The following GC variants were observed in gnomAD, a reference collection of about 807,000 sequenced individuals.
GC encodes the protein vitamin D-binding protein.
In GC, 43 loss-of-function variants were observed where a neutral mutation model predicts 56.7. The ratio of observed to expected loss-of-function variants is 0.76; its 90% CI spans 0.59 to 0.98. The LOEUF (loss-of-function observed/expected upper bound fraction) is 0.98. Ranked by LOEUF, GC falls within the 50% of genes least tolerant of loss-of-function variation. The probability of loss-of-function intolerance (pLI) is 0.00; values close to 1 mark genes in which losing one functional copy is unlikely to be tolerated. For missense variants in GC, 529 were observed against 545.9 expected (o/e 0.97, Z 0.31); for synonymous variants, 216 against 202.7 (o/e 1.07, Z -0.56).
At chr4:71,763,105 TG>T (rs1376014922) in intron 6 of GC, among the ~76,000 whole-genome samples, 1 of 152,234 alleles carries the variant, frequency 6.6e-6, no homozygotes, top group Admixed American at 6.5e-5. Context: ...GTTCTTGTTT[TG>T]CTTTTTTGTT....
intron 12 of GC, among the ~76,000 whole-genome samples, chr4:71,744,964 A>G (rs1460348801): frequency 2.0e-5 from 3 of 152,210 alleles, no homozygotes; most frequent in Non-Finnish European, 4.4e-5. Context: ...TCGTTGGGAC[A>G]TGATATTTGT....
At position 71,801,529 on chromosome 4, in the gene GC, G is replaced by A. The variant is rs112381115; in HGVS notation, c.21+2397C>T. On this transcript the variant is annotated intron_variant, in intron 1 of 13. Transcript: ENST00000504199. ...CATAGAGAGCCAGGGCAACTTCGGG[G>A]CTCACTTTATGAAGTTCCTTACTCA... Among the ~76,000 whole-genome samples, 26 of 152,204 alleles carry A rather than the reference G, an allele frequency of 1.7e-4. 2 individuals carry two copies. The highest frequency in any genetic ancestry group is 6.3e-4 in the African/African-American group (26 of 41,522).
At chr4:71,791,676 T>G (rs898630517) in intron 1 of GC, among the ~76,000 whole-genome samples, 2 of 152,106 alleles carry the variant, frequency 1.3e-5, no homozygotes, top group Admixed American at 6.6e-5. Context: ...ATTTCTTTTT[T>G]TTTTTAATAC....
At chr4:71,768,042 C>T (rs1742213430) in intron 3 of GC, among the ~76,000 whole-genome samples, 1 of 152,130 alleles carries the variant, frequency 6.6e-6, no homozygotes, top group Non-Finnish European at 1.5e-5. Flanking sequence ...ATAACTCCTT[C>T]TTGCTAGCAA....
At chr4:71,791,348 C>T (rs1742963717) in intron 1 of GC, among the ~76,000 whole-genome samples, 1 of 152,014 alleles carries the variant, frequency 6.6e-6, no homozygotes, top group South Asian at 2.1e-4. Flanking sequence ...CTTTTCATTG[C>T]TGTCCTGTGG....
intron 1 of GC, among the ~76,000 whole-genome samples, chr4:71,773,140 A>G (rs1299778118): frequency 6.6e-6 from 1 of 152,094 alleles, no homozygotes; most frequent in African/African-American, 2.4e-5. Context: ...TCGGTTATAA[A>G]GAAGGTGATT....
rs185157514 is a variant in GC at position 71,792,552 on chromosome 4, T to C, written c.22-8498A>G. On this transcript the variant is annotated intron_variant, in intron 1 of 13. Transcript: ENST00000504199. ...ATTTGTTTAAGTTCTTTGTAGATTC[T>C]GGATATTAGCCCTTTGTCAGATGGG... Among the ~76,000 whole-genome samples the C allele has an allele frequency of 2.2e-3, 334 of 152,338 alleles. 3 individuals are homozygous for C. Among genetic ancestry groups the C allele is most frequent in the Middle Eastern group, 3.4e-3 (1 of 294 alleles).
At chr4:71,774,081 C>T (rs1281942738) in intron 1 of GC, among the ~76,000 whole-genome samples, 2 of 151,754 alleles carry the variant, frequency 1.3e-5, no homozygotes, top group African/African-American at 4.8e-5. Context: ...AAAAATATTG[C>T]CAATGAAAAA....
At chr4:71,749,531 G>A (rs940238002) in intron 11 of GC, among the ~76,000 whole-genome samples, 27 of 152,134 alleles carry the variant, frequency 1.8e-4, no homozygotes, top group African/African-American at 4.3e-4. Flanking sequence ...TTCTTCTTTC[G>A]TAATAACAGA....
intron 1 of GC, among the ~76,000 whole-genome samples, chr4:71,791,583 C>T (rs1742968527): frequency 6.6e-6 from 1 of 151,910 alleles, no homozygotes; most frequent in Admixed American, 6.6e-5. Flanking sequence ...CATTTATTTA[C>T]TTATTCTTTG....
chr4:71,757,142 T>C (rs1741804283), intron 7 of GC, among the ~76,000 whole-genome samples: 1 of 152,176 alleles, frequency 6.6e-6, no homozygotes, highest in South Asian at 2.1e-4. Flanking sequence ...AAAATAATTG[T>C]AGATAAAACG....
intron 12 of GC, among the ~76,000 whole-genome samples, chr4:71,743,150 C>T (rs1006138065): frequency 3.9e-5 from 6 of 152,084 alleles, no homozygotes; most frequent in African/African-American, 7.2e-5. Flanking sequence ...AGTGAAATAG[C>T]GTGAAACTGT....
intron 1 of GC, among the ~76,000 whole-genome samples, chr4:71,776,585 C>T (rs558317245): frequency 2.0e-5 from 3 of 151,650 alleles, no homozygotes; most frequent in South Asian, 2.1e-4. Context: ...ATCTATTTTG[C>T]GTCAGGGTGA....
intron 1 of GC, 65 bp from the exon 2 acceptor site, chr4:71,769,465 A>G: frequency 9.6e-7 from 1 of 1,036,802 alleles, no homozygotes; most frequent in Admixed American, 1.9e-5. Context: ...TTACATGTAC[A>G]TGTATAAAGT....
chr4:71,763,761 G>A (rs1438499456), intron 5 of GC, 43 bp downstream of exon 5: 11 of 1,523,058 alleles, frequency 7.2e-6, no homozygotes, highest in Non-Finnish European at 9.8e-6. Context: ...AATGCTATTA[G>A]AAGAAAAAAA....
chr4:71,766,324 C>G (rs1742157332), intron 3 of GC, among the ~76,000 whole-genome samples: 1 of 152,154 alleles, frequency 6.6e-6, no homozygotes, highest in Non-Finnish European at 1.5e-5. Context: ...GATTTATGTG[C>G]AGGTGCAGTG....
chr4:71,768,238 T>A, intron 3 of GC, 63 bp downstream of exon 3: 1 of 1,436,934 alleles, frequency 7.0e-7, no homozygotes, highest in Non-Finnish European at 9.3e-7. Flanking sequence ...ACACGTGGTA[T>A]AAAGGCCTAT....
At chr4:71,770,047 G>A (rs774727267) in intron 1 of GC, among the ~76,000 whole-genome samples, 3 of 152,178 alleles carry the variant, frequency 2.0e-5, no homozygotes, top group Admixed American at 6.6e-5. Context: ...CTGGGGGATG[G>A]TGGGAAGTGT....
chr4:71,762,552 G>A (rs1742014006), intron 6 of GC, among the ~76,000 whole-genome samples: 1 of 152,170 alleles, frequency 6.6e-6, no homozygotes, highest in Admixed American at 6.5e-5. Context: ...AGTGCCAGGG[G>A]TGGGATGATA....
Sources: gnomAD v4.1 joint callset for allele counts (sites outside exome capture counted in the v4.1 genomes callset) on GRCh38, gnomAD v4.1.1 for gene constraint, MANE v1.5 for transcripts, NCBI Gene and HGNC (gene_info 2026-07-23, HGNC 2026-07-21) for gene names.